The following TARDBP variants were observed in gnomAD, a reference collection of about 807,000 sequenced individuals.
The protein encoded by TARDBP is TAR DNA-binding protein 43.
In TARDBP, 4 loss-of-function variants were observed where a neutral mutation model predicts 38.3. That is an observed-to-expected ratio of 0.10 (90% CI 0.05 to 0.24). The LOEUF (loss-of-function observed/expected upper bound fraction) is 0.24. Ranked by LOEUF, TARDBP falls within the 10% of genes least tolerant of loss-of-function variation. TARDBP has a pLI of 1.00. For missense variants in TARDBP, 202 were observed against 521.9 expected (o/e 0.39, Z 5.97); for synonymous variants, 184 against 183.8 (o/e 1.00, Z -0.01).
chr1:11,026,486 A>G (rs376403882), downstream of TARDBP: 10 of 156,618 alleles, frequency 6.4e-5, no homozygotes, highest in African/African-American at 1.7e-4. Flanking sequence ...TTATTCCTCA[A>G]TCAGTACTGC....
downstream of TARDBP, chr1:11,025,535 TA>T (rs1395617180): frequency 1.3e-5 from 2 of 152,208 alleles, no homozygotes; most frequent in African/African-American, 4.8e-5. Flanking sequence ...GATTTCTTTT[TA>T]TATGTGATAT....
chr1:11,012,930 G>C (rs973804213), intron 1 of TARDBP, among the ~76,000 whole-genome samples, 187 bp downstream of exon 1: 3 of 152,196 alleles, frequency 2.0e-5, no homozygotes, highest in South Asian at 2.1e-4. Context: ...GGCCGGTGGC[G>C]CCGAAACGGG....
rs918117866 is a variant in TARDBP, at chr1:11,025,285, C to T, written c.*2631C>T. 10 of 152,492 alleles carry T rather than the reference C, an allele frequency of 6.6e-5. No individual in the cohort carries two copies. Among genetic ancestry groups the T allele is most frequent in the Admixed American group, 5.9e-4 (9 of 15,252 alleles). 9.4% of individuals were successfully genotyped at this position (152,492 alleles called of 1,614,324 possible). ...AATTTCAGTTACTGGTCATAGAAGG[C>T]TTTCAATGTTGAGTGGCCTTTTATT... On this transcript the variant is annotated 3_prime_UTR_variant, in exon 6 of 6. Transcript: ENST00000240185.
At chr1:11,028,813 A>G (rs1206095395), downstream of TARDBP, among the ~76,000 whole-genome samples, 2 of 148,748 alleles carry the variant, frequency 1.3e-5, no homozygotes, top group East Asian at 3.9e-4. Flanking sequence ...TCCCAGGTTC[A>G]TGCCATTCTC....
chr1:11,021,113 G>A (rs1441629921), intron 5 of TARDBP, among the ~76,000 whole-genome samples: 1 of 151,830 alleles, frequency 6.6e-6, no homozygotes, highest in African/African-American at 2.4e-5. Context: ...ATAATTTTCA[G>A]TATGTGGCAT....
intron 4 of TARDBP, among the ~76,000 whole-genome samples, chr1:11,020,062 T>C (rs1369290386): frequency 1.3e-5 from 2 of 151,062 alleles, no homozygotes; most frequent in African/African-American, 2.4e-5. Flanking sequence ...GGTTTCACCA[T>C]GTTGACCAGG....
At chr1:11,027,544 C>CTG (rs1389242921), downstream of TARDBP, 1 of 1,614,106 alleles carries the variant, frequency 6.2e-7, no homozygotes, top group Admixed American at 1.7e-5. Flanking sequence ...GCACCTGCTG[C>CTG]TGTGGTTCCA....
intron 1 of TARDBP, 104 bp from the exon 2 acceptor site, chr1:11,013,612 A>C: frequency 3.1e-6 from 3 of 971,010 alleles, no homozygotes; most frequent in Non-Finnish European, 4.8e-6. Flanking sequence ...CCAGACAAGC[A>C]TTTTTCTGGA....
chr1:11,026,826 T>C (rs1643740749), downstream of TARDBP: 45 of 1,408,598 alleles, frequency 3.2e-5, no homozygotes, highest in Non-Finnish European at 4.0e-5. Context: ...GCCACGTCGC[T>C]GCCAAGGTCT....
chr1:11,014,139 G>T (rs934691159), intron 2 of TARDBP, among the ~76,000 whole-genome samples, 174 bp downstream of exon 2: 9 of 152,160 alleles, frequency 5.9e-5, no homozygotes, highest in African/African-American at 2.2e-4. Context: ...GGAAACTGGG[G>T]ATTGTAGATC....
intron 3 of TARDBP, among the ~76,000 whole-genome samples, 193 bp downstream of exon 3, chr1:11,017,200 TTC>T (rs1439485729): frequency 8.5e-6 from 1 of 117,998 alleles, no homozygotes; most frequent in East Asian, 2.7e-4. Context: ...CTTGTTACCT[TTC>T]TTTTTTTTTT....
chr1:11,027,435 C>A, downstream of TARDBP: 1 of 1,614,176 alleles, frequency 6.2e-7, no homozygotes, highest in Non-Finnish European at 8.5e-7. Flanking sequence ...AGGTGATAGT[C>A]TTTTCAGGGT....
downstream of TARDBP, chr1:11,027,630 C>T (rs12085877): frequency 5.2e-3 from 8,322 of 1,610,136 alleles, 375 homozygotes; most frequent in African/African-American, 0.098. Flanking sequence ...TCCTGTTGTG[C>T]GGGCTGATAG....
intron 2 of TARDBP, among the ~76,000 whole-genome samples, chr1:11,015,922 TA>T (rs1354634417): frequency 6.7e-6 from 1 of 150,328 alleles, no homozygotes; most frequent in Non-Finnish European, 1.5e-5. Context: ...TTTGTATTTT[TA>T]TTTATTTATT....
At chr1:11,014,363 G>A (rs3765896) in intron 2 of TARDBP, among the ~76,000 whole-genome samples, 125,415 of 152,164 alleles carry the variant, frequency 0.82, 51,745 homozygotes, top group East Asian at 0.86. Context: ...CCTTAAATGA[G>A]CAAACAGTTG....
At chr1:11,015,786 C>T (rs2100842568) in intron 2 of TARDBP, 1 of 152,686 alleles carries the variant, frequency 6.5e-6, no homozygotes, top group South Asian at 2.1e-4. Context: ...CTCTGTCGCC[C>T]AGGCTGGAGT....
chr1:11,022,211 A>G lies in TARDBP; in HGVS notation c.802A>G (p.Arg268Gly). 1 of 1,614,006 alleles carries G rather than the reference A, an allele frequency of 6.2e-7. No homozygotes were observed. The highest frequency in any genetic ancestry group is 8.5e-7 in the Non-Finnish European group (1 of 1,179,882). The change falls in exon 6 of 6, where the codon AGA becomes GGA. Residue 268 changes from arginine to glycine, a missense_variant. Physicochemically the swap from Arg to Gly is moderately radical, Grantham distance 125. Around this residue, in one of 5 missense-constraint regions of TARDBP, gnomAD observed 107 missense variants for 190.5 expected, o/e 0.56. Transcript: ENST00000240185. The surrounding 1 kb of genome is among the most constrained non-coding windows in gnomAD (Gnocchi z 4.5). ...SNAEPKHNSNRQLERSGRFGG... is the reference protein window; with the variant it reads ...SNAEPKHNSNGQLERSGRFGG... Reference sequence around the variant, plus strand: ...TGCCGAACCTAAGCACAATAGCAATAGACAGTTAGAAAGAAGTGGAAGATT... The same window carrying G: ...TGCCGAACCTAAGCACAATAGCAATGGACAGTTAGAAAGAAGTGGAAGATT...
chr1:11,016,204 G>C (rs941370871), intron 2 of TARDBP: 3 of 152,946 alleles, frequency 2.0e-5, no homozygotes, highest in Admixed American at 6.5e-5. Flanking sequence ...CTCCCAAAGT[G>C]CTGGGATTAC....
At chr1:11,029,615 T>G (rs1363603955), downstream of TARDBP, 1 of 145,622 alleles carries the variant, frequency 6.9e-6, no homozygotes, top group Non-Finnish European at 1.5e-5. Flanking sequence ...TATAAGTTGG[T>G]CAAGATAATT....
Sources: allele counts gnomAD v4.1 joint callset (sites outside exome capture counted in the v4.1 genomes callset), GRCh38; gene constraint gnomAD v4.1.1; regional missense constraint gnomAD v4.1.1; non-coding constraint Gnocchi (gnomAD v3.1); transcripts MANE v1.5; gene names NCBI Gene and HGNC (gene_info 2026-07-23, HGNC 2026-07-21).